SERPINF2: variants seen among roughly 807,000 people sequenced by gnomAD.
SERPINF2 encodes serpin family F member 2, also known as alpha-2-antiplasmin.
SERPINF2 carries 15 observed loss-of-function variants against 45.0 expected under a neutral mutation model. The ratio of observed to expected loss-of-function variants is 0.33; its 90% confidence interval spans 0.22 to 0.51. The LOEUF is 0.51. Ranked by LOEUF, SERPINF2 falls within the 20% of genes least tolerant of loss-of-function variation. The pLI is 0.97. For missense variants in SERPINF2, 518 were observed against 637.4 expected (o/e 0.81, Z 2.02); for synonymous variants, 283 against 277.9 (o/e 1.02, Z -0.18).
At chr17:1,743,596 T>A (rs1038355257) in intron 1 of SERPINF2, among the ~76,000 whole-genome samples, 2 of 150,642 alleles carry the variant, frequency 1.3e-5, no homozygotes, top group African/African-American at 4.9e-5. Flanking sequence ...ATGCCTGTAA[T>A]CCCAGCTACT....
At chr17:1,750,681 C>T (rs915286607) in intron 8 of SERPINF2, among the ~76,000 whole-genome samples, 1 of 152,170 alleles carries the variant, frequency 6.6e-6, no homozygotes, top group South Asian at 2.1e-4. Context: ...TATTGATCCC[C>T]GGGCCAGACA....
In SERPINF2 at chr17:1,745,897, C is replaced by T. The variant is rs1351199065; in HGVS notation, c.355C>T (p.His119Tyr). The change falls in exon 5 of 10, where the codon CAC (histidine) becomes TAC (tyrosine). Residue 119 changes from histidine (H) to tyrosine (Y), a missense_variant. Physicochemically the swap from His to Tyr is moderately conservative, Grantham distance 83. Coordinates refer to ENST00000453066, the MANE Select transcript of SERPINF2 (RefSeq NM_000934.4). This position sits in a 1 kb window ranked among gnomAD's most constrained non-coding sequence, Gnocchi z 6.2. ...SPLSVALALS[H>Y]LALGAQNHTL... ...CCTGAGTGTGGCCCTGGCGCTGTCTCACCTGGCACTAGGTACCCTGGCACC... is the reference window on the plus strand; with the variant it reads ...CCTGAGTGTGGCCCTGGCGCTGTCTTACCTGGCACTAGGTACCCTGGCACC... The T allele has an allele frequency of 1.2e-6, 2 of 1,614,060 alleles. No individual in the cohort carries two copies. The highest frequency in any genetic ancestry group is 8.5e-7 in the Non-Finnish European group (1 of 1,180,032).
Position 1,754,778 on chromosome 17 carries a change from C to T in SERPINF2, c.*244C>T, listed in dbSNP as rs997641746. Reference sequence around the variant, plus strand: ...CCAAACAGGCTCAGAGGGTGTCCTGCACCGGGGCCTGGGCAGGAGGGAGGT... The same window carrying T: ...CCAAACAGGCTCAGAGGGTGTCCTGTACCGGGGCCTGGGCAGGAGGGAGGT... On this transcript the variant is annotated 3_prime_UTR_variant, in exon 10 of 10. Transcript: ENST00000453066. 9.1e-6 allele frequency: 5 copies of T among 550,456 alleles called. No individual in the cohort carries two copies. Among genetic ancestry groups the T allele is most frequent in the South Asian group, 2.7e-5 (1 of 36,408 alleles). 34.1% of individuals were successfully genotyped at this position (550,456 alleles called of 1,614,324 possible).
At chr17:1,750,098 C>T (rs1237131826) in intron 8 of SERPINF2, among the ~76,000 whole-genome samples, 3 of 152,068 alleles carry the variant, frequency 2.0e-5, no homozygotes, top group African/African-American at 4.8e-5. Flanking sequence ...CTCAACCTCT[C>T]GAGTAGCTGG....
In SERPINF2 at chr17:1,754,453, C is replaced by T. The variant is rs368540128; in HGVS notation, c.1395C>T (p.Arg465=). ...TCCAGAGCCTGAAAGGCTTCCCCCG[C>T]GGAGACAAGCTTTTCGGCCCTGACT... is the stretch of plus-strand genomic sequence containing the variant. ...DFLQSLKGFP[R]GDKLFGPDLK... Residue 465 remains arginine (R), a synonymous_variant, in exon 10 of 10, where the codon CGC becomes CGT. Coordinates refer to ENST00000453066, the MANE Select transcript of SERPINF2 (RefSeq NM_000934.4). The T allele has an allele frequency of 7.8e-5, 125 of 1,608,224 alleles. No homozygotes were observed. Among genetic ancestry groups the T allele is most frequent in the South Asian group, 2.9e-4 (26 of 90,642 alleles).
At chr17:1,750,455 T>A (rs1906285115) in intron 8 of SERPINF2, among the ~76,000 whole-genome samples, 1 of 151,558 alleles carries the variant, frequency 6.6e-6, no homozygotes, top group Non-Finnish European at 1.5e-5. Flanking sequence ...CCAATTTTTG[T>A]ATTTTTTTTT....
At chr17:1,748,463 C>A in intron 7 of SERPINF2, 135 bp from the exon 8 acceptor site, 1 of 1,152,800 alleles carries the variant, frequency 8.7e-7, no homozygotes, top group Non-Finnish European at 1.3e-6. Flanking sequence ...CTGTCTCATC[C>A]TTGAATGGAT....
intron 5 of SERPINF2, 90 bp from the exon 6 acceptor site, chr17:1,746,929 C>G: frequency 6.6e-7 from 1 of 1,504,902 alleles, no homozygotes; most frequent in Non-Finnish European, 9.0e-7. Context: ...CGTGGACGTC[C>G]TCGTCACGGG....
At chr17:1,752,414 A>G (rs1007369157) in intron 8 of SERPINF2, among the ~76,000 whole-genome samples, 172 bp from the exon 9 acceptor site, 5 of 152,178 alleles carry the variant, frequency 3.3e-5, no homozygotes, top group African/African-American at 1.2e-4. Context: ...GCAGTGGGAC[A>G]GGTAGTATGA....
chr17:1,747,584 G>C, intron 7 of SERPINF2, 72 bp downstream of exon 7: 1 of 1,515,282 alleles, frequency 6.6e-7, no homozygotes, highest in Non-Finnish European at 9.0e-7. Context: ...TTTGTTTTTT[G>C]AGACAAGTCT....
intron 8 of SERPINF2, among the ~76,000 whole-genome samples, chr17:1,750,681 C>G (rs915286607): frequency 2.0e-5 from 3 of 152,170 alleles, no homozygotes; most frequent in South Asian, 4.1e-4. Flanking sequence ...TATTGATCCC[C>G]GGGCCAGACA....
Position 1,747,054 on chromosome 17 carries a change from G to A in SERPINF2, c.403G>A (p.Val135Met), listed in dbSNP as rs199709434. Reference sequence around the variant, plus strand: ...CCACACGTTGCAGAGGCTGCAACAGGTGCTGCACGCAGGCTCAGGGCCCTG... The same window carrying A: ...CCACACGTTGCAGAGGCTGCAACAGATGCTGCACGCAGGCTCAGGGCCCTG... Reference protein sequence around the residue: ...QNHTLQRLQQVLHAGSGPCLP... With the variant: ...QNHTLQRLQQMLHAGSGPCLP... Residue 135 changes from valine to methionine, a missense_variant, in exon 6 of 10, where the codon GTG becomes ATG. Coordinates refer to ENST00000453066, the MANE Select transcript of SERPINF2 (RefSeq NM_000934.4). 1 of 1,608,006 alleles carries A rather than the reference G, an allele frequency of 6.2e-7. No individual in the cohort carries two copies. Among genetic ancestry groups the A allele is most frequent in the African/African-American group, 1.3e-5 (1 of 74,898 alleles).
At chr17:1,749,166 G>T (rs1002079156) in intron 8 of SERPINF2, among the ~76,000 whole-genome samples, 1 of 152,142 alleles carries the variant, frequency 6.6e-6, no homozygotes, top group Admixed American at 6.5e-5. Context: ...GGTGGCTCAC[G>T]CCTGTAATCC....
chr17:1,753,419 G>A (rs1906562171), intron 9 of SERPINF2, among the ~76,000 whole-genome samples: 1 of 152,208 alleles, frequency 6.6e-6, no homozygotes. Flanking sequence ...GGGCATGGTG[G>A]CTCACGTCTG....
chr17:1,746,029 C>A (rs1404708884), intron 5 of SERPINF2, 120 bp downstream of exon 5: 3 of 1,142,282 alleles, frequency 2.6e-6, no homozygotes, highest in African/African-American at 1.5e-5. Flanking sequence ...GGTAAAAATG[C>A]AGATTCCTAG....
Position 1,745,802 on chromosome 17 carries a change from T to TG in SERPINF2, c.262dup (p.Ala88GlyfsTer113). On this transcript the variant is annotated frameshift_variant, in exon 5 of 10. Coordinates refer to ENST00000453066, the MANE Select transcript of SERPINF2 (RefSeq NM_000934.4). LOFTEE classifies it high-confidence loss of function. This position sits in a 1 kb window ranked among gnomAD's most constrained non-coding sequence, Gnocchi z 6.2. ...ACCCACAGGCTGGCCCGGGCCATGA[T>TG]GGCCTTCACTGCCGACCTGTTCTCC... is the stretch of plus-strand genomic sequence containing the variant. The TG allele has an allele frequency of 6.2e-7, 1 of 1,614,014 alleles. No individual in the cohort carries two copies.
chr17:1,744,137 C>T (rs1474642663), intron 1 of SERPINF2, among the ~76,000 whole-genome samples: 5 of 151,314 alleles, frequency 3.3e-5, no homozygotes, highest in Admixed American at 3.3e-4. Flanking sequence ...TCAGGTGATC[C>T]ACCTGCCCCT....
intron 8 of SERPINF2, among the ~76,000 whole-genome samples, chr17:1,749,079 C>A (rs548824597): frequency 6.6e-6 from 1 of 152,332 alleles, no homozygotes; most frequent in African/African-American, 2.4e-5. Flanking sequence ...AGTGAATGGA[C>A]ATCAACACAG....
Position 1,745,469 on chromosome 17 carries a change from T to C in SERPINF2, c.165+74T>C, listed in dbSNP as rs867717185. The C allele has an allele frequency of 5.9e-6, 1 of 169,042 alleles. No homozygotes were observed. Among genetic ancestry groups the C allele is most frequent in the Non-Finnish European group, 1.1e-5 (1 of 88,266 alleles). The allele number at this position is 169,042 out of a possible 1,614,324, so 10.5% of individuals were successfully genotyped here. A position where few individuals can be genotyped will look rare whatever the true frequency, so the allele number is the denominator to read the frequency against. ...GGGCCCATCGGCAGGGGTCGGGGGG[T>C]GGGGGCGCGTGCTGAGGCTGAGGCT... On this transcript the variant is annotated intron_variant, in intron 4 of 9. Transcript: ENST00000453066. This position sits in a 1 kb window ranked among gnomAD's most constrained non-coding sequence, Gnocchi z 6.2.
Sources: allele counts gnomAD v4.1 joint callset (sites outside exome capture counted in the v4.1 genomes callset), GRCh38; gene constraint gnomAD v4.1.1; non-coding constraint Gnocchi (gnomAD v3.1); transcripts MANE v1.5; gene names NCBI Gene and HGNC (gene_info 2026-07-23, HGNC 2026-07-21).